The following RORA variants were observed in gnomAD, a reference collection of about 807,000 sequenced individuals.
The protein encoded by RORA is RAR related orphan receptor A.
A neutral mutation model predicts 69.5 loss-of-function variants in RORA; 7 were observed. The ratio of observed to expected loss-of-function variants is 0.10; its 90% CI spans 0.06 to 0.19. The LOEUF (loss-of-function observed/expected upper bound fraction) is 0.19. Ranked by LOEUF, RORA falls within the 10% of genes least tolerant of loss-of-function variation. RORA has a pLI of 1.00. For missense variants in RORA, 457 were observed against 663.0 expected (o/e 0.69, Z 3.41); for synonymous variants, 261 against 240.8 (o/e 1.08, Z -0.78).
chr15:61,148,506 G>A (rs1196381114), intron 1 of RORA, among the ~76,000 whole-genome samples: 1 of 152,068 alleles, frequency 6.6e-6, no homozygotes, highest in African/African-American at 2.4e-5. Flanking sequence ...CTAGTCTCTG[G>A]AAACAACAAG....
chr15:61,091,320 T>C (rs940498805), intron 1 of RORA, among the ~76,000 whole-genome samples: 2 of 152,212 alleles, frequency 1.3e-5, no homozygotes, highest in Non-Finnish European at 2.9e-5. Flanking sequence ...GTTTAGAGAA[T>C]GCATCTCAGC....
intron 1 of RORA, among the ~76,000 whole-genome samples, chr15:60,818,100 A>T (rs2072842036): frequency 1.3e-5 from 2 of 152,180 alleles, no homozygotes; most frequent in African/African-American, 4.8e-5. Context: ...GGGATTAGGA[A>T]CAAGGCAAAG....
intron 1 of RORA, among the ~76,000 whole-genome samples, chr15:61,037,024 G>A: frequency 6.6e-6 from 1 of 152,090 alleles, no homozygotes; most frequent in South Asian, 2.1e-4. Context: ...TTGTCAGGCG[G>A]CAACAGGGTA....
intron 1 of RORA, among the ~76,000 whole-genome samples, chr15:60,786,858 T>C (rs907982543): frequency 2.0e-5 from 3 of 152,186 alleles, no homozygotes; most frequent in African/African-American, 7.2e-5. Flanking sequence ...AAAGTCTTTC[T>C]GGAGTCTCAG....
chr15:60,547,840 G>C (rs181611580), intron 2 of RORA: 2 of 152,248 alleles, frequency 1.3e-5, no homozygotes, highest in South Asian at 4.1e-4. Context: ...TTATGGGCAC[G>C]GACATTCAGC....
intron 1 of RORA, among the ~76,000 whole-genome samples, chr15:60,919,347 G>A (rs980113362): frequency 4.6e-5 from 7 of 152,220 alleles, no homozygotes; most frequent in Non-Finnish European, 8.8e-5. Context: ...CAGCAGGGGT[G>A]AAGGAAGGTA....
chr15:61,089,409 G>A (rs773282022), intron 1 of RORA, among the ~76,000 whole-genome samples: 5 of 152,112 alleles, frequency 3.3e-5, no homozygotes, highest in African/African-American at 7.2e-5. Context: ...TTTCTTGCAT[G>A]AACAATACAC....
rs529383270 is a variant in RORA at position 60,852,198 on chromosome 15, A to T, written c.167-173512T>A. On this transcript the variant is annotated intron_variant, in intron 1 of 10. Transcript: ENST00000335670. ...ACCATCATGGGTGTTCTTATTGAAT[A>T]CCAACGATGTGTCTGGCGTGGTCGG... Among the ~76,000 whole-genome samples, 14 of 152,264 alleles carry T rather than the reference A, an allele frequency of 9.2e-5. No individual in the cohort carries two copies. The South Asian group carries it at 2.9e-3, about 32-fold the overall frequency.
chr15:60,744,989 T>C (rs1388255732), intron 1 of RORA, among the ~76,000 whole-genome samples: 1 of 152,222 alleles, frequency 6.6e-6, no homozygotes, highest in East Asian at 1.9e-4. Context: ...ATCCAGCCTA[T>C]GCCTGGCCAC....
At chr15:61,209,197 G>C (rs966430410) in intron 1 of RORA, among the ~76,000 whole-genome samples, 1 of 151,316 alleles carries the variant, frequency 6.6e-6, no homozygotes, top group Non-Finnish European at 1.5e-5. Flanking sequence ...ATGTAAAATA[G>C]ATCTTTATTT....
chr15:60,738,966 A>T (rs955861947), intron 1 of RORA, among the ~76,000 whole-genome samples: 2 of 152,186 alleles, frequency 1.3e-5, no homozygotes, highest in Non-Finnish European at 2.9e-5. Context: ...CCCTTTTATA[A>T]GGACACCAGT....
chr15:60,507,659 T>C (rs1380917932), intron 5 of RORA, among the ~76,000 whole-genome samples: 1 of 151,864 alleles, frequency 6.6e-6, no homozygotes, highest in Non-Finnish European at 1.5e-5. Flanking sequence ...AACAAGAAAA[T>C]ACATAAATAA....
At chr15:61,159,354 T>C (rs924123668) in intron 1 of RORA, among the ~76,000 whole-genome samples, 3 of 152,200 alleles carry the variant, frequency 2.0e-5, no homozygotes, top group Admixed American at 6.5e-5. Context: ...ACCTGAGAGA[T>C]AAAATTTAAC....
chr15:60,534,737 C>G lies in RORA; in HGVS notation c.197-2886G>C, dbSNP rs1160624748. ...TGCACTTTAGGAAATGACTAAAATC[C>G]TCCTACTCCAAAAGCAAACCCTCTG... On this transcript the variant is annotated intron_variant, in intron 2 of 10. Transcript: ENST00000335670. This position sits in a 1 kb window ranked among gnomAD's most constrained non-coding sequence, Gnocchi z 5.0. 6.6e-6 allele frequency among the ~76,000 whole-genome samples: 1 copy of G among 152,074 alleles called. No individual in the cohort carries two copies. The highest frequency in any genetic ancestry group is 2.4e-5 in the African/African-American group (1 of 41,404).
At chr15:60,866,682 T>C (rs2073491109) in intron 1 of RORA, among the ~76,000 whole-genome samples, 1 of 152,104 alleles carries the variant, frequency 6.6e-6, no homozygotes, top group African/African-American at 2.4e-5. Flanking sequence ...AAAGCTGCCA[T>C]AAAACCCAAA....
chr15:61,170,048 G>A (rs926145001), intron 1 of RORA, among the ~76,000 whole-genome samples: 4 of 152,162 alleles, frequency 2.6e-5, no homozygotes, highest in African/African-American at 7.2e-5. Context: ...CTGCCTCCTA[G>A]CTGTGTGACC....
At chr15:60,925,857 G>A (rs1892202702) in intron 1 of RORA, among the ~76,000 whole-genome samples, 1 of 152,198 alleles carries the variant, frequency 6.6e-6, no homozygotes. Flanking sequence ...ATCTGTTGAA[G>A]GAATGGGTGA....
At chr15:60,974,646 T>A in intron 1 of RORA, among the ~76,000 whole-genome samples, 1 of 152,204 alleles carries the variant, frequency 6.6e-6, no homozygotes, top group Non-Finnish European at 1.5e-5. Flanking sequence ...ACTGAGTCTG[T>A]GCCAGGTTCC....
At chr15:60,678,491 T>C in intron 2 of RORA, 166 bp downstream of exon 2, 1 of 627,868 alleles carries the variant, frequency 1.6e-6, no homozygotes, top group East Asian at 2.7e-5. Flanking sequence ...TACAAACAGG[T>C]GGAGATGTGC....
Sources: gnomAD v4.1 joint callset for allele counts (sites outside exome capture counted in the v4.1 genomes callset) on GRCh38, gnomAD v4.1.1 for gene constraint, Gnocchi (gnomAD v3.1) non-coding constraint, MANE v1.5 for transcripts, NCBI Gene and HGNC (gene_info 2026-07-23, HGNC 2026-07-21) for gene names.